Variants in ROBO1 observed in about 807,000 individuals in gnomAD.
ROBO1 encodes the protein roundabout guidance receptor 1, also known as roundabout homolog 1.
Under a neutral mutation model 195.9 loss-of-function variants are expected in ROBO1, and 149 were observed. That is an observed-to-expected ratio of 0.76 (90% confidence interval 0.67 to 0.87). The LOEUF (loss-of-function observed/expected upper bound fraction) is 0.87. Ranked by LOEUF, ROBO1 falls within the 40% of genes least tolerant of loss-of-function variation. ROBO1 has a pLI of 0.00. For missense variants in ROBO1, 1,933 were observed against 2,068.3 expected (o/e 0.93, Z 1.27); for synonymous variants, 816 against 733.2 (o/e 1.11, Z -1.82).
rs1345890604 is a variant in ROBO1, at chr3:78,651,752, G to A, written c.2792C>T (p.Thr931Ile). ...AATACCTTTTCTGATACCCGCGTAGGTACTAGTAAGTCCGTTTCTCTTCTT... is the reference window on the plus strand; with the variant it reads ...AATACCTTTTCTGATACCCGCGTAGATACTAGTAAGTCCGTTTCTCTTCTT... ...HRKKRNGLTS[T>I]YAGIRKVPSF... The change falls in exon 19 of 31, where the codon ACC becomes ATC. Residue 931 changes from threonine (T) to isoleucine (I), a missense_variant. By Grantham distance (89) the Thr-to-Ile change is moderately conservative (BLOSUM62 -1). Transcript: ENST00000464233. 2.5e-6 allele frequency: 4 copies of A among 1,612,342 alleles called. No individual in the cohort carries two copies. The African/African-American group carries it at 4.0e-5, about 16-fold the overall frequency.
At chr3:79,069,033 C>T (rs986818624) in intron 3 of ROBO1, among the ~76,000 whole-genome samples, 2 of 151,768 alleles carry the variant, frequency 1.3e-5, no homozygotes, top group African/African-American at 4.8e-5. Context: ...ATCACCTCAA[C>T]AGAAGACCAA....
intron 23 of ROBO1, chr3:78,634,393 ATATCT>A: frequency 4.7e-6 from 1 of 210,886 alleles, no homozygotes; most frequent in South Asian, 5.8e-5. Context: ...AAAAAAACAA[ATATCT>A]TAATTTGCCC....
chr3:79,538,160 A>G (rs1348801793), intron 2 of ROBO1, among the ~76,000 whole-genome samples: 3 of 152,156 alleles, frequency 2.0e-5, no homozygotes, highest in African/African-American at 7.2e-5. Context: ...TTTAGGTAAC[A>G]TTATTACATG....
At chr3:79,606,659 T>C (rs903540168) in intron 1 of ROBO1, among the ~76,000 whole-genome samples, 1 of 151,878 alleles carries the variant, frequency 6.6e-6, no homozygotes, top group Non-Finnish European at 1.5e-5. Context: ...GCCTTATTTA[T>C]CTCCTGCCCA....
chr3:78,957,839 A>T, intron 3 of ROBO1, among the ~76,000 whole-genome samples: 1 of 152,208 alleles, frequency 6.6e-6, no homozygotes, highest in Non-Finnish European at 1.5e-5. Flanking sequence ...TAAACTTTAC[A>T]TTATTTTTCA....
chr3:79,439,135 A>C (rs1187221860), intron 2 of ROBO1, among the ~76,000 whole-genome samples: 1 of 152,052 alleles, frequency 6.6e-6, no homozygotes, highest in African/African-American at 2.4e-5. Flanking sequence ...ATATTTCATC[A>C]ATACTAATTA....
intron 3 of ROBO1, among the ~76,000 whole-genome samples, chr3:78,995,496 T>C (rs553424297): frequency 6.6e-5 from 10 of 152,272 alleles, no homozygotes; most frequent in African/African-American, 2.4e-4. Context: ...ATCTCCACTC[T>C]TGCCTCTATA....
chr3:79,402,264 C>A (rs561942743), intron 2 of ROBO1, among the ~76,000 whole-genome samples: 1 of 151,936 alleles, frequency 6.6e-6, no homozygotes. Context: ...ATTCCCTAAT[C>A]TTTTATCAAC....
chr3:78,995,430 T>C (rs2077339692), intron 3 of ROBO1, among the ~76,000 whole-genome samples: 1 of 152,086 alleles, frequency 6.6e-6, no homozygotes, highest in Non-Finnish European at 1.5e-5. Flanking sequence ...CCTGGCACCA[T>C]CTCAGACAGA....
chr3:79,288,791 C>CT (rs367684442), intron 2 of ROBO1, among the ~76,000 whole-genome samples: 2,655 of 151,400 alleles, frequency 0.018, 34 homozygotes, highest in Non-Finnish European at 0.025. Flanking sequence ...ATATCTCGAC[C>CT]TTTTTTTTTC....
Position 79,019,541 on chromosome 3 carries a change from C to G in ROBO1, c.173-80614G>C. The stretch of plus-strand genomic sequence containing the variant: ...GGCCCGATAATACTTAAAGGGGCCG[C>G]GTGGTCCTTTCCATGCTTCACTCTA... On this transcript the variant is annotated intron_variant, in intron 3 of 30. Coordinates refer to ENST00000464233, the MANE Select transcript of ROBO1 (RefSeq NM_002941.4). The G allele has an allele frequency of 6.1e-6, 6 of 985,924 alleles. No homozygotes were observed. In the South Asian group the frequency reaches 2.8e-4, roughly 46 times the overall value. The allele number at this position is 985,924 out of a possible 1,614,324, so 61.1% of individuals were successfully genotyped here. A position where few individuals can be genotyped will look rare whatever the true frequency, so the allele number is the denominator to read the frequency against.
chr3:79,279,303 C>A (rs1373385290), intron 2 of ROBO1, among the ~76,000 whole-genome samples: 2 of 151,678 alleles, frequency 1.3e-5, no homozygotes, highest in Non-Finnish European at 2.9e-5. Flanking sequence ...ACAAAAACAA[C>A]AACAAAACAA....
chr3:78,612,194 T>C (rs779348049), intron 28 of ROBO1, among the ~76,000 whole-genome samples: 4 of 152,176 alleles, frequency 2.6e-5, no homozygotes, highest in Middle Eastern at 3.2e-3. Flanking sequence ...TGACAAACCA[T>C]ATTCTGAACA....
intron 4 of ROBO1, among the ~76,000 whole-genome samples, chr3:78,782,895 T>C (rs1010171649): frequency 2.6e-5 from 4 of 152,152 alleles, no homozygotes; most frequent in Admixed American, 2.0e-4. Flanking sequence ...GAACTAAGTA[T>C]AAAAGAGTGG....
At chr3:79,616,053 G>A (rs1944809366) in intron 1 of ROBO1, among the ~76,000 whole-genome samples, 1 of 152,194 alleles carries the variant, frequency 6.6e-6, no homozygotes. Context: ...ACCTATGGTG[G>A]CTTGCTGACA....
At chr3:79,307,220 T>C (rs1192662863) in intron 2 of ROBO1, among the ~76,000 whole-genome samples, 1 of 152,116 alleles carries the variant, frequency 6.6e-6, no homozygotes, top group Non-Finnish European at 1.5e-5. Flanking sequence ...TTGTAAATCA[T>C]CTCAGTGTAT....
chr3:78,997,368 G>A (rs1425460713), intron 3 of ROBO1, among the ~76,000 whole-genome samples: 1 of 152,160 alleles, frequency 6.6e-6, no homozygotes, highest in Non-Finnish European at 1.5e-5. Context: ...AACGTGGGTT[G>A]TTTGGTTTGG....
chr3:79,654,870 C>A (rs1386082558), intron 1 of ROBO1, among the ~76,000 whole-genome samples: 1 of 151,954 alleles, frequency 6.6e-6, no homozygotes, highest in Admixed American at 6.6e-5. Context: ...CTCTGATGAT[C>A]CACAGTAATT....
intron 4 of ROBO1, among the ~76,000 whole-genome samples, chr3:78,937,381 T>C (rs1460227020): frequency 1.3e-5 from 2 of 151,902 alleles, no homozygotes; most frequent in East Asian, 1.9e-4. Context: ...TATTAACATA[T>C]CAATTATCTT....
Sources: gnomAD v4.1 joint callset for allele counts (sites outside exome capture counted in the v4.1 genomes callset) on GRCh38, gnomAD v4.1.1 for gene constraint, MANE v1.5 for transcripts, NCBI Gene and HGNC (gene_info 2026-07-23, HGNC 2026-07-21) for gene names.